JAM2: variants seen among roughly 807,000 people sequenced by gnomAD.
The protein encoded by JAM2 is junctional adhesion molecule 2.
JAM2 carries 17 observed loss-of-function variants against 42.0 expected under a neutral mutation model. That is an observed-to-expected ratio of 0.40 (90% CI 0.28 to 0.61). JAM2 has a LOEUF of 0.61. JAM2 is among the 20% of genes least tolerant of loss of function. JAM2 has a pLI of 0.37. For synonymous variants in JAM2, 118 were observed against 128.6 expected (o/e 0.92, Z 0.56); for missense variants, 319 against 358.3 (o/e 0.89, Z 0.89).
chr21:25,650,711 G>A (rs1027488907), intron 1 of JAM2, among the ~76,000 whole-genome samples: 8 of 152,054 alleles, frequency 5.3e-5, no homozygotes, highest in Admixed American at 1.3e-4. Context: ...ATACACTAAC[G>A]GGGCAGAAAT....
In JAM2 at chr21:25,715,033, C is replaced by G. The variant is rs1247741102; in HGVS notation, c.*361C>G. 6.0e-6 allele frequency: 1 copy of G among 166,222 alleles called. No individual in the cohort carries two copies. 10.3% of individuals were successfully genotyped at this position (166,222 alleles called of 1,614,324 possible). A position where few individuals can be genotyped will look rare whatever the true frequency, so the allele number is the denominator to read the frequency against. ...AGGTCATGAAAATATAAATCAGACT[C>G]TGCACGAGAGTCTGATTTAGGGGGT... On this transcript the variant is annotated 3_prime_UTR_variant, in exon 10 of 10. Coordinates refer to ENST00000480456, the MANE Select transcript of JAM2 (RefSeq NM_021219.4).
At chr21:25,706,506 T>C (rs1444598578) in intron 7 of JAM2, among the ~76,000 whole-genome samples, 1 of 152,080 alleles carries the variant, frequency 6.6e-6, no homozygotes, top group East Asian at 1.9e-4. Context: ...TTTAACAAAC[T>C]CTGGAGAATA....
chr21:25,667,101 C>G (rs1446301841), intron 1 of JAM2, among the ~76,000 whole-genome samples: 2 of 152,176 alleles, frequency 1.3e-5, no homozygotes. Flanking sequence ...TTCCTTTTTG[C>G]AATTTTACCC....
At chr21:25,705,752 A>G (rs1246315081) in intron 6 of JAM2, among the ~76,000 whole-genome samples, 1 of 152,200 alleles carries the variant, frequency 6.6e-6, no homozygotes, top group Non-Finnish European at 1.5e-5. Context: ...TTAATCTGAG[A>G]AGTTTTTAAA....
intron 1 of JAM2, among the ~76,000 whole-genome samples, chr21:25,672,872 A>G (rs1031486116): frequency 6.6e-6 from 1 of 152,228 alleles, no homozygotes; most frequent in African/African-American, 2.4e-5. Context: ...ACTCTTAAGG[A>G]GAAGCAATTA....
intron 2 of JAM2, 151 bp from the exon 3 acceptor site, chr21:25,689,715 C>T: frequency 5.3e-6 from 3 of 565,870 alleles, no homozygotes; most frequent in Non-Finnish European, 9.5e-6. Flanking sequence ...GCTTCCAATT[C>T]ATGGGACCTG....
intron 1 of JAM2, among the ~76,000 whole-genome samples, chr21:25,656,154 T>C (rs1204385351): frequency 6.6e-6 from 1 of 152,148 alleles, no homozygotes; most frequent in Non-Finnish European, 1.5e-5. Flanking sequence ...GCATGCCACA[T>C]TCATAGACTG....
At position 25,695,993 on chromosome 21, in the gene JAM2, A is replaced by G. The variant is rs1204424824; in HGVS notation, c.394+2085A>G. On this transcript the variant is annotated intron_variant, in intron 4 of 9. Coordinates refer to ENST00000480456, the MANE Select transcript of JAM2 (RefSeq NM_021219.4). ...TCACTTCCCAGACGGGGTGGCGGCC[A>G]GGCAGAGGCTGCAATCTCGGCACTT... Among the ~76,000 whole-genome samples the G allele has an allele frequency of 9.9e-5, 15 of 151,930 alleles. No individual in the cohort carries two copies. In the South Asian group the frequency reaches 1.2e-3, roughly 13 times the overall value.
intron 2 of JAM2, among the ~76,000 whole-genome samples, chr21:25,689,012 GT>G (rs1568908690): frequency 6.9e-6 from 1 of 144,724 alleles, no homozygotes. Context: ...CTGGCACTGG[GT>G]TTTTTGTTTT....
chr21:25,650,653 T>C (rs2032749087), intron 1 of JAM2, among the ~76,000 whole-genome samples: 2 of 152,224 alleles, frequency 1.3e-5, no homozygotes, highest in Non-Finnish European at 2.9e-5. Context: ...ATAAAACATA[T>C]AATACATAGA....
intron 1 of JAM2, among the ~76,000 whole-genome samples, chr21:25,674,497 G>A (rs920350789): frequency 2.6e-5 from 4 of 152,142 alleles, no homozygotes; most frequent in Non-Finnish European, 5.9e-5. Flanking sequence ...TTAGTGCAGT[G>A]GAGTCATTTC....
chr21:25,645,670 T>A (rs1008522526), intron 1 of JAM2, among the ~76,000 whole-genome samples: 3 of 152,228 alleles, frequency 2.0e-5, no homozygotes, highest in Non-Finnish European at 2.9e-5. Context: ...AATGATGCGA[T>A]GTGTTCTGAG....
In JAM2 at chr21:25,712,254, G is replaced by A. The variant is rs777094479; in HGVS notation, c.822-86G>A. On this transcript the variant is annotated intron_variant, in intron 8 of 9. Transcript: ENST00000480456. ...TCATGTTCTTGCTGAGAAAATGTAT[G>A]GAAGTAAAATTAACTAAAAGAGCAT... 14 of 893,040 alleles carry A rather than the reference G, an allele frequency of 1.6e-5. No individual in the cohort carries two copies. In the East Asian group the frequency reaches 3.4e-4, roughly 22 times the overall value. 55.3% of individuals were successfully genotyped at this position (893,040 alleles called of 1,614,324 possible).
Position 25,639,607 on chromosome 21 carries a change from T to A in JAM2, c.-215T>A. On this transcript the variant is annotated 5_prime_UTR_variant, in exon 1 of 10. Coordinates refer to ENST00000480456, the MANE Select transcript of JAM2 (RefSeq NM_021219.4). ...ACCCCCAAAACAGAACAGACCCCCA[T>A]CCCTGGGCTGGAGGACCCGCCTCTT... 1.5e-4 allele frequency: 71 copies of A among 462,216 alleles called. No individual in the cohort carries two copies. The highest frequency in any genetic ancestry group is 5.8e-4 in the Middle Eastern group (1 of 1,710). 28.6% of individuals were successfully genotyped at this position (462,216 alleles called of 1,614,324 possible). A position where few individuals can be genotyped will look rare whatever the true frequency, so the allele number is the denominator to read the frequency against.
rs762739667 is a variant in JAM2, at chr21:25,683,892, C to T, written c.77C>T (p.Ala26Val). The T allele has an allele frequency of 6.2e-7, 1 of 1,603,282 alleles. No individual in the cohort carries two copies. The highest frequency in any genetic ancestry group is 2.2e-5 in the East Asian group (1 of 44,776). ...YLVVALGYHK[A>V]YGFSAPKDQQ... ...TGTTTTAATCTTTCAGATCATAAGGCCTATGGGTTTTCTGCCCCAAAAGAC... is the reference window on the plus strand; with the variant it reads ...TGTTTTAATCTTTCAGATCATAAGGTCTATGGGTTTTCTGCCCCAAAAGAC... Residue 26 changes from alanine (A) to valine (V), a missense_variant, in exon 2 of 10, where the codon GCC becomes GTC. Ala to Val is a moderately conservative substitution (Grantham distance 64). Transcript: ENST00000480456.
At chr21:25,685,886 T>G (rs971758336) in intron 2 of JAM2, among the ~76,000 whole-genome samples, 2 of 152,254 alleles carry the variant, frequency 1.3e-5, no homozygotes, top group African/African-American at 4.8e-5. Flanking sequence ...TCTCACTTTC[T>G]TGGAGGTTCT....
chr21:25,641,610 T>C (rs1424741458), intron 1 of JAM2, among the ~76,000 whole-genome samples: 3 of 152,096 alleles, frequency 2.0e-5, no homozygotes, highest in African/African-American at 7.2e-5. Context: ...TTTTTTTATG[T>C]TTAAAACAAT....
At chr21:25,681,967 G>A (rs2033643362) in intron 1 of JAM2, among the ~76,000 whole-genome samples, 1 of 152,166 alleles carries the variant, frequency 6.6e-6, no homozygotes, top group South Asian at 2.1e-4. Context: ...GGGTGACAGA[G>A]CGAGACTCCG....
Position 25,717,425 on chromosome 21 carries a change from T to G in JAM2, c.*2753T>G. ...TTTGTTTTAATTATTGTTGCTGTTG[T>G]AACTAGATTTAATTTATTTTTAGTT... On this transcript the variant is annotated 3_prime_UTR_variant, in exon 10 of 10. Coordinates refer to ENST00000480456, the MANE Select transcript of JAM2 (RefSeq NM_021219.4). 1 of 389,220 alleles carries G rather than the reference T, an allele frequency of 2.6e-6. No individual in the cohort carries two copies. The highest frequency in any genetic ancestry group is 4.5e-6 in the Non-Finnish European group (1 of 222,978). The allele number at this position is 389,220 out of a possible 1,614,324, so 24.1% of individuals were successfully genotyped here. A position where few individuals can be genotyped will look rare whatever the true frequency, so the allele number is the denominator to read the frequency against.
Sources: allele counts gnomAD v4.1 joint callset (sites outside exome capture counted in the v4.1 genomes callset), GRCh38; gene constraint gnomAD v4.1.1; transcripts MANE v1.5; gene names NCBI Gene and HGNC (gene_info 2026-07-23, HGNC 2026-07-21).